Variants in AASDH observed in about 807,000 individuals in gnomAD.
AASDH encodes the protein beta-alanine-activating enzyme.
In AASDH, 81 loss-of-function variants were observed where a neutral mutation model predicts 102.3. That is an observed-to-expected ratio of 0.79 (90% CI 0.66 to 0.95). AASDH has a LOEUF of 0.95. AASDH is among the 40% of genes least tolerant of loss of function. AASDH has a pLI of 0.00. For synonymous variants in AASDH, 398 were observed against 454.0 expected (o/e 0.88, Z 1.57); for missense variants, 1,203 against 1,266.2 (o/e 0.95, Z 0.76).
intron 1 of AASDH, 81 bp from the exon 2 acceptor site, chr4:56,384,422 A>G (rs1753317768): frequency 1.6e-6 from 1 of 634,114 alleles, no homozygotes; most frequent in South Asian, 2.1e-5. Context: ...TCTCTACAAT[A>G]ATATCTCACA....
intron 4 of AASDH, among the ~76,000 whole-genome samples, chr4:56,375,508 T>C (rs1263490070): frequency 2.6e-5 from 4 of 152,188 alleles, no homozygotes; most frequent in Non-Finnish European, 5.9e-5. Flanking sequence ...GGCAAATCAA[T>C]TGAATGAAGT....
At chr4:56,344,940 C>CTTT (rs11357105) in intron 12 of AASDH, among the ~76,000 whole-genome samples, 187 bp downstream of exon 12, 5 of 124,136 alleles carry the variant, frequency 4.0e-5, no homozygotes, top group South Asian at 2.6e-4. Context: ...AATTTTCTTT[C>CTTT]TTTTTTTTTT....
At chr4:56,349,094 A>G (rs1748662580) in intron 11 of AASDH, 169 bp downstream of exon 11, 8 of 692,538 alleles carry the variant, frequency 1.2e-5, no homozygotes, top group Admixed American at 8.9e-5. Flanking sequence ...AAATCCAGGG[A>G]CTCTTGACCC....
chr4:56,368,169 A>AT (rs1751253557), intron 5 of AASDH, among the ~76,000 whole-genome samples: 1 of 152,250 alleles, frequency 6.6e-6, no homozygotes, highest in Non-Finnish European at 1.5e-5. Flanking sequence ...CCACAATGAG[A>AT]TACCATCTCT....
intron 11 of AASDH, among the ~76,000 whole-genome samples, chr4:56,348,132 C>G (rs1387283393): frequency 6.7e-6 from 1 of 149,406 alleles, no homozygotes; most frequent in Non-Finnish European, 1.5e-5. Context: ...GCCTGGGAAA[C>G]AGAGCCAGAC....
chr4:56,382,538 GATA>G lies in AASDH; in HGVS notation c.287_289del (p.Leu96del), dbSNP rs1753098293. 1 of 1,607,520 alleles carries G rather than the reference GATA, an allele frequency of 6.2e-7. No individual in the cohort carries two copies. The highest frequency in any genetic ancestry group is 8.5e-7 in the Non-Finnish European group (1 of 1,175,098). On this transcript the variant is annotated inframe_deletion, in exon 3 of 15. Coordinates refer to ENST00000205214, the MANE Select transcript of AASDH (RefSeq NM_181806.4). ...ATTACATTTTTTCATAAAATGAGTT[GATA>G]ATGACGGTGGTGAATCTGGCTCGAT...
intron 14 of AASDH, 28 bp downstream of exon 14, chr4:56,342,807 A>G: frequency 9.6e-7 from 1 of 1,046,528 alleles, no homozygotes; most frequent in Non-Finnish European, 1.2e-6. Flanking sequence ...ATAAAAATGT[A>G]TATATAAAAA....
intron 5 of AASDH, among the ~76,000 whole-genome samples, chr4:56,361,514 T>C (rs577246831): frequency 1.3e-5 from 2 of 152,318 alleles, no homozygotes; most frequent in East Asian, 3.9e-4. Flanking sequence ...CCTTTGCTAG[T>C]AAATCATTCT....
chr4:56,354,140 C>T lies in AASDH; in HGVS notation c.1282G>A (p.Asp428Asn), dbSNP rs1480173179. ...TCTCCATCTTTCACAGTCACAAAGT[C>T]TCCTGTAGCTCGCATTGTGCCAAGT... Reference protein sequence around the residue: ...VPLGTMRATGDFVTVKDGEIF... With the variant: ...VPLGTMRATGNFVTVKDGEIF... Residue 428 changes from aspartate (D) to asparagine (N), a missense_variant, in exon 8 of 15, where the codon GAC becomes AAC. Coordinates refer to ENST00000205214, the MANE Select transcript of AASDH (RefSeq NM_181806.4). The T allele has an allele frequency of 6.2e-7, 1 of 1,612,994 alleles. No individual in the cohort carries two copies. Among genetic ancestry groups the T allele is most frequent in the Non-Finnish European group, 8.5e-7 (1 of 1,179,398 alleles).
At chr4:56,370,276 T>A (rs1751530145) in intron 5 of AASDH, among the ~76,000 whole-genome samples, 1 of 151,128 alleles carries the variant, frequency 6.6e-6, no homozygotes, top group African/African-American at 2.4e-5. Flanking sequence ...GGCACAAGAA[T>A]CGCCGGAACC....
In AASDH at chr4:56,345,198, T is replaced by A; in HGVS notation, c.2581A>T (p.Thr861Ser). ...ATGAGTCCTGTGGTTGGATCCATGG[T>A]TGCCGAGCTTTTGACAGCATCTTCA... is the stretch of plus-strand genomic sequence containing the variant. ...TTEDAVKSSATMDPTTGLIYI... is the reference protein window; with the variant it reads ...TTEDAVKSSASMDPTTGLIYI... The change falls in exon 12 of 15, where the codon ACC becomes TCC. Residue 861 changes from threonine to serine, a missense_variant. Physicochemically the swap from Thr to Ser is moderately conservative, Grantham distance 58 (BLOSUM62 1). Coordinates refer to ENST00000205214, the MANE Select transcript of AASDH (RefSeq NM_181806.4). The A allele has an allele frequency of 4.3e-6, 7 of 1,614,200 alleles. No homozygotes were observed. Among genetic ancestry groups the A allele is most frequent in the Non-Finnish European group, 5.9e-6 (7 of 1,180,030 alleles).
intron 5 of AASDH, among the ~76,000 whole-genome samples, chr4:56,366,599 A>G (rs891929703): frequency 9.2e-5 from 14 of 152,172 alleles, no homozygotes; most frequent in Non-Finnish European, 2.1e-4. Context: ...CCAGCATATA[A>G]ACAGAACCAA....
chr4:56,372,059 T>C (rs76107844), intron 4 of AASDH, among the ~76,000 whole-genome samples: 4,303 of 152,316 alleles, frequency 0.028, 117 homozygotes, highest in Admixed American at 0.073. Context: ...TCAAACCCTG[T>C]AGTCCCTAAT....
In AASDH at chr4:56,349,377, G is replaced by A; in HGVS notation, c.2374C>T (p.His792Tyr). ...TAAAAGTCAACTGCCTTCATTCTAT[G>A]AGAATGGGAACCAATGTACACAGTT... ...STTVYIGSHS[H>Y]RMKAVDFYSG... is the part of the protein sequence containing the mutation. The change falls in exon 11 of 15, where the codon CAT (histidine) becomes TAT (tyrosine). Residue 792 changes from histidine to tyrosine, a missense_variant. Coordinates refer to ENST00000205214, the MANE Select transcript of AASDH (RefSeq NM_181806.4). 6.2e-7 allele frequency: 1 copy of A among 1,614,126 alleles called. No homozygotes were observed. Among genetic ancestry groups the A allele is most frequent in the Middle Eastern group, 1.6e-4 (1 of 6,062 alleles).
At chr4:56,357,408 C>A (rs907345777) in intron 5 of AASDH, among the ~76,000 whole-genome samples, 1 of 152,214 alleles carries the variant, frequency 6.6e-6, no homozygotes, top group Non-Finnish European at 1.5e-5. Context: ...TAGTGATCTC[C>A]TGAAGGCCCC....
Position 56,355,301 on chromosome 4 carries a change from G to C in AASDH, c.984C>G (p.Leu328=), listed in dbSNP as rs908130959. The change falls in exon 6 of 15, where the codon CTC becomes CTG. Residue 328 remains leucine, a synonymous_variant. Transcript: ENST00000205214. ...TATTGCCTTCTCCTCTCCAGCTTCT[G>C]AGAACTGTCAATGATGGAAACGCTT... The part of the protein sequence containing the change: ...GGEAFPSLTV[L]RSWRGEGNKT... 3 of 1,614,016 alleles carry C rather than the reference G, an allele frequency of 1.9e-6. No homozygotes were observed. The highest frequency in any genetic ancestry group is 1.3e-5 in the African/African-American group (1 of 74,906).
rs558454645 is a variant in AASDH, at chr4:56,363,792, G to A, written c.861+7659C>T. ...GGGAAAAAAACAGAGCAGAAAAACGGGAAACTCTAAAAATCAGAGCTCCTC... is the reference window on the plus strand; with the variant it reads ...GGGAAAAAAACAGAGCAGAAAAACGAGAAACTCTAAAAATCAGAGCTCCTC... On this transcript the variant is annotated intron_variant, in intron 5 of 14. Coordinates refer to ENST00000205214, the MANE Select transcript of AASDH (RefSeq NM_181806.4). Among the ~76,000 whole-genome samples, 3 of 152,182 alleles carry A rather than the reference G, an allele frequency of 2.0e-5. No homozygotes were observed. In the East Asian group the frequency reaches 5.8e-4, roughly 29 times the overall value.
At chr4:56,382,405 G>C in intron 3 of AASDH, 72 bp downstream of exon 3, 1 of 1,391,422 alleles carries the variant, frequency 7.2e-7, no homozygotes, top group Non-Finnish European at 9.8e-7. Context: ...AATCCAGATG[G>C]GAGAAGGAAG....
At chr4:56,374,872 G>C (rs1483673055) in intron 4 of AASDH, among the ~76,000 whole-genome samples, 1 of 152,076 alleles carries the variant, frequency 6.6e-6, no homozygotes, top group Non-Finnish European at 1.5e-5. Flanking sequence ...CTTATGCAAA[G>C]TCAAACAAAT....
Sources: gnomAD v4.1 joint callset for allele counts (sites outside exome capture counted in the v4.1 genomes callset) on GRCh38, gnomAD v4.1.1 for gene constraint, MANE v1.5 for transcripts, NCBI Gene and HGNC (gene_info 2026-07-23, HGNC 2026-07-21) for gene names.